Variants in PAIP2B observed in about 807,000 individuals in gnomAD.
PAIP2B encodes the protein poly(A) binding protein interacting protein 2B.
A neutral mutation model predicts 17.0 loss-of-function variants in PAIP2B; 13 were observed. The ratio of observed to expected loss-of-function variants is 0.76; its 90% CI spans 0.50 to 1.22. The LOEUF (loss-of-function observed/expected upper bound fraction) is 1.22. PAIP2B is among the 50% of genes most tolerant of loss of function. PAIP2B has a pLI of 0.00. For missense variants in PAIP2B, 117 were observed against 144.5 expected, an observed-to-expected ratio of 0.81 and a Z score of 0.98; for synonymous variants, 43 against 48.7, an observed-to-expected ratio of 0.88 and a Z score of 0.48.
At chr2:71,218,434 C>T (rs1415738558) in intron 1 of PAIP2B, among the ~76,000 whole-genome samples, 1 of 151,784 alleles carries the variant, frequency 6.6e-6, no homozygotes, top group Non-Finnish European at 1.5e-5. Context: ...CTCAAAAGCA[C>T]TAGAAATTAA....
At chr2:71,217,208 A>C (rs1675448248) in intron 1 of PAIP2B, among the ~76,000 whole-genome samples, 1 of 152,190 alleles carries the variant, frequency 6.6e-6, no homozygotes, top group Admixed American at 6.5e-5. Context: ...ATCTTGGCTC[A>C]CTGCAACCTC....
At chr2:71,194,241 C>T (rs1197015420) in intron 2 of PAIP2B, among the ~76,000 whole-genome samples, 1 of 151,976 alleles carries the variant, frequency 6.6e-6, no homozygotes, top group Non-Finnish European at 1.5e-5. Flanking sequence ...ATATTTTTTT[C>T]TAGTTTTGTG....
intron 2 of PAIP2B, 142 bp downstream of exon 2, chr2:71,202,310 G>A (rs1342637647): frequency 9.8e-7 from 1 of 1,023,144 alleles, no homozygotes; most frequent in Non-Finnish European, 1.4e-6. Context: ...GGTCATTCCA[G>A]ATGAGGCCCC....
In PAIP2B at chr2:71,185,687, T is replaced by C. The variant is rs1234462751; in HGVS notation, c.*2792A>G. ...CGTTTCTGGTTTCACCCTTATGTGA[T>C]TCCCAAAACTCAACTATTATTGTCA... is the stretch of plus-strand genomic sequence containing the variant. On this transcript the variant is annotated 3_prime_UTR_variant, in exon 4 of 4. Coordinates refer to ENST00000244221, the MANE Select transcript of PAIP2B (RefSeq NM_020459.1). The C allele has an allele frequency of 6.6e-6, 1 of 152,150 alleles. No homozygotes were observed. Among genetic ancestry groups the C allele is most frequent in the Non-Finnish European group, 1.5e-5 (1 of 68,020 alleles). 9.4% of individuals were successfully genotyped at this position (152,150 alleles called of 1,614,324 possible). A position where few individuals can be genotyped will look rare whatever the true frequency, so the allele number is the denominator to read the frequency against.
chr2:71,210,698 G>A (rs1255603489), intron 1 of PAIP2B, among the ~76,000 whole-genome samples: 1 of 152,142 alleles, frequency 6.6e-6, no homozygotes, highest in Non-Finnish European at 1.5e-5. Flanking sequence ...TACAAATAGA[G>A]GCATTTTCTA....
At chr2:71,213,791 T>A (rs1219620568) in intron 1 of PAIP2B, among the ~76,000 whole-genome samples, 2 of 152,098 alleles carry the variant, frequency 1.3e-5, no homozygotes, top group Non-Finnish European at 2.9e-5. Context: ...TCCAGGCCTT[T>A]AAAGGAATGA....
chr2:71,189,112 T>C (rs890475077), intron 3 of PAIP2B, among the ~76,000 whole-genome samples: 2 of 150,902 alleles, frequency 1.3e-5, no homozygotes, highest in African/African-American at 2.4e-5. Flanking sequence ...GCCTCCCAGG[T>C]TCAAGCAATT....
intron 1 of PAIP2B, among the ~76,000 whole-genome samples, chr2:71,221,694 C>G (rs1228407242): frequency 1.3e-5 from 2 of 152,176 alleles, no homozygotes; most frequent in Non-Finnish European, 2.9e-5. Context: ...CTGTTATACT[C>G]TCAATCGTCT....
At chr2:71,217,712 C>T (rs1280373306) in intron 1 of PAIP2B, among the ~76,000 whole-genome samples, 2 of 152,050 alleles carry the variant, frequency 1.3e-5, no homozygotes, top group African/African-American at 2.4e-5. Flanking sequence ...GAGGGTAATA[C>T]CTCAGTACTA....
intron 1 of PAIP2B, among the ~76,000 whole-genome samples, chr2:71,211,451 C>T (rs183880720): frequency 1.6e-4 from 25 of 152,022 alleles, no homozygotes; most frequent in Non-Finnish European, 2.9e-5. Context: ...TAGGTAATTC[C>T]GATATATAGA....
chr2:71,207,843 C>T (rs755851787), intron 1 of PAIP2B, among the ~76,000 whole-genome samples: 5 of 152,046 alleles, frequency 3.3e-5, no homozygotes, highest in Non-Finnish European at 5.9e-5. Flanking sequence ...GAAGGGCAAA[C>T]TTTTCTTGGG....
At chr2:71,205,052 G>GAAGA (rs1209223164) in intron 1 of PAIP2B, among the ~76,000 whole-genome samples, 1 of 151,426 alleles carries the variant, frequency 6.6e-6, no homozygotes, top group Non-Finnish European at 1.5e-5. Context: ...GAAGGCAAAG[G>GAAGA]AAGAAAGAAA....
intron 1 of PAIP2B, among the ~76,000 whole-genome samples, chr2:71,215,279 C>G (rs1323099244): frequency 6.6e-6 from 1 of 151,678 alleles, no homozygotes; most frequent in Non-Finnish European, 1.5e-5. Flanking sequence ...GCCTAGGTGA[C>G]AGAGCGAGAC....
At chr2:71,213,882 A>G (rs901114619) in intron 1 of PAIP2B, among the ~76,000 whole-genome samples, 2 of 152,212 alleles carry the variant, frequency 1.3e-5, no homozygotes, top group African/African-American at 4.8e-5. Context: ...GGACAGCAAC[A>G]AAATAATAGC....
chr2:71,227,082 A>C lies in PAIP2B; in HGVS notation c.-166T>G, dbSNP rs1675755015. On this transcript the variant is annotated 5_prime_UTR_variant, in exon 1 of 4. Coordinates refer to ENST00000244221, the MANE Select transcript of PAIP2B (RefSeq NM_020459.1). Reference sequence around the variant, plus strand: ...CCGAGAAGCGCCACTACCACTTGCCAGGTTATCTCTTACTGCACACTGCCT... The same window carrying C: ...CCGAGAAGCGCCACTACCACTTGCCCGGTTATCTCTTACTGCACACTGCCT... 6.5e-6 allele frequency: 1 copy of C among 152,970 alleles called. No individual in the cohort carries two copies. Among genetic ancestry groups the C allele is most frequent in the South Asian group, 2.1e-4 (1 of 4,818 alleles). The allele number at this position is 152,970 out of a possible 1,614,324, so 9.5% of individuals were successfully genotyped here.
intron 1 of PAIP2B, among the ~76,000 whole-genome samples, chr2:71,218,282 T>A (rs1024346031): frequency 2.0e-5 from 3 of 151,876 alleles, no homozygotes; most frequent in Middle Eastern, 3.2e-3. Flanking sequence ...AAGAAATCTT[T>A]AAAATTACTC....
chr2:71,197,620 T>C lies in PAIP2B; in HGVS notation c.138+4832A>G, dbSNP rs188437787. ...TTGTATTAGTCTGTTTTCACACTGC[T>C]GATAAAGACATATCCAAGACTGGGC... On this transcript the variant is annotated intron_variant, in intron 2 of 3. Coordinates refer to ENST00000244221, the MANE Select transcript of PAIP2B (RefSeq NM_020459.1). Among the ~76,000 whole-genome samples, 6 of 152,324 alleles carry C rather than the reference T, an allele frequency of 3.9e-5. No individual in the cohort carries two copies. The East Asian group carries it at 1.2e-3, about 29-fold the overall frequency.
At chr2:71,198,282 C>G (rs145234590) in intron 2 of PAIP2B, among the ~76,000 whole-genome samples, 3,037 of 131,860 alleles carry the variant, frequency 0.023, 53 homozygotes, top group South Asian at 0.071. Flanking sequence ...CCAGGCCCAG[C>G]TAATTTTTTT....
At chr2:71,212,381 C>T (rs1675323233) in intron 1 of PAIP2B, among the ~76,000 whole-genome samples, 1 of 152,152 alleles carries the variant, frequency 6.6e-6, no homozygotes. Context: ...AAGTCCTTTA[C>T]AGCTTCTAGC....
Sources: gnomAD v4.1 joint callset for allele counts (sites outside exome capture counted in the v4.1 genomes callset) on GRCh38, gnomAD v4.1.1 for gene constraint, MANE v1.5 for transcripts, NCBI Gene and HGNC (gene_info 2026-07-23, HGNC 2026-07-21) for gene names.